Variants in GPR107 observed in about 807,000 individuals in gnomAD.
GPR107 encodes the protein G protein-coupled receptor 107, also known as protein GPR107.
In GPR107, 31 loss-of-function variants were observed where a neutral mutation model predicts 75.5. That is an observed-to-expected ratio of 0.41 (90% CI 0.31 to 0.55). The LOEUF (loss-of-function observed/expected upper bound fraction) is 0.55. Among genes scored for constraint, GPR107 ranks in the 20% least tolerant of loss-of-function variants. The pLI is 0.26. For missense variants in GPR107, 572 were observed against 665.7 expected (o/e 0.86, Z 1.55); for synonymous variants, 267 against 251.3 (o/e 1.06, Z -0.59).
intron 6 of GPR107, among the ~76,000 whole-genome samples, chr9:130,083,914 A>G (rs924827800): frequency 6.6e-6 from 1 of 151,984 alleles, no homozygotes; most frequent in African/African-American, 2.4e-5. Flanking sequence ...TGCTTTGTAA[A>G]TAGTTGTTAC....
At chr9:130,131,574 G>A (rs1276954415) in intron 17 of GPR107, among the ~76,000 whole-genome samples, 2 of 142,406 alleles carry the variant, frequency 1.4e-5, no homozygotes, top group African/African-American at 2.6e-5. Flanking sequence ...CACTGCCCCC[G>A]GCCCCTCCTG....
At position 130,136,546 on chromosome 9, in the gene GPR107, CGTG is replaced by C; in HGVS notation, c.*1428_*1430del. The stretch of plus-strand genomic sequence containing the variant: ...AACAGGTACCTCCGAGGGTGAGAGT[CGTG>C]GTCTCTGGGAGTTGTTTTCTCACCT... On this transcript the variant is annotated 3_prime_UTR_variant, in exon 18 of 18. Coordinates refer to ENST00000347136, the MANE Select transcript of GPR107 (RefSeq NM_020960.5). 1 of 152,262 alleles carries C rather than the reference CGTG, an allele frequency of 6.6e-6. No individual in the cohort carries two copies. The highest frequency in any genetic ancestry group is 1.5e-5 in the Non-Finnish European group (1 of 68,024). 9.4% of individuals were successfully genotyped at this position (152,262 alleles called of 1,614,324 possible).
intron 1 of GPR107, among the ~76,000 whole-genome samples, chr9:130,054,742 C>G (rs1829702403): frequency 6.6e-6 from 1 of 152,194 alleles, no homozygotes; most frequent in Non-Finnish European, 1.5e-5. Context: ...GAAAAGACCT[C>G]TAAGGCTGAA....
At chr9:130,129,492 C>T (rs1831766908) in intron 17 of GPR107, 1 of 152,236 alleles carries the variant, frequency 6.6e-6, no homozygotes, top group South Asian at 2.1e-4. Flanking sequence ...GAGACTCGGC[C>T]CATGCTAAGC....
At chr9:130,107,851 G>A (rs1358025809) in intron 14 of GPR107, among the ~76,000 whole-genome samples, 5 of 152,154 alleles carry the variant, frequency 3.3e-5, no homozygotes, top group Admixed American at 1.3e-4. Context: ...GTCTTAGAAG[G>A]GCCAGATAAC....
At chr9:130,088,867 GA>G (rs1286500393) in intron 7 of GPR107, among the ~76,000 whole-genome samples, 2 of 152,088 alleles carry the variant, frequency 1.3e-5, no homozygotes, top group African/African-American at 4.8e-5. Flanking sequence ...TTAATAAAAT[GA>G]GTTTTTAAAA....
At chr9:130,124,156 C>A (rs912191383) in intron 14 of GPR107, among the ~76,000 whole-genome samples, 1 of 152,242 alleles carries the variant, frequency 6.6e-6, no homozygotes, top group Non-Finnish European at 1.5e-5. Context: ...TCACCACCCA[C>A]GGTCCCATTC....
At chr9:130,084,516 G>A (rs145402719) in intron 6 of GPR107, among the ~76,000 whole-genome samples, 417 of 151,382 alleles carry the variant, frequency 2.8e-3, no homozygotes, top group Non-Finnish European at 4.8e-3. Flanking sequence ...GGTGGCTTGC[G>A]CCTGTAATCC....
chr9:130,064,166 G>A (rs1830004225), intron 1 of GPR107, among the ~76,000 whole-genome samples: 1 of 143,152 alleles, frequency 7.0e-6, no homozygotes, highest in South Asian at 2.2e-4. Flanking sequence ...AATTGTATCT[G>A]AACTATAAAA....
At chr9:130,092,464 G>A in intron 9 of GPR107, 83 bp downstream of exon 9, 1 of 1,112,762 alleles carries the variant, frequency 9.0e-7, no homozygotes, top group Non-Finnish European at 1.4e-6. Flanking sequence ...CCTGGAGGCA[G>A]TTGTCACTTA....
intron 14 of GPR107, chr9:130,110,423 A>G (rs1466503920): frequency 1.3e-6 from 2 of 1,483,040 alleles, no homozygotes; most frequent in Non-Finnish European, 9.2e-7. Flanking sequence ...AGGAAGTCGC[A>G]TAGGTAAACC....
At chr9:130,130,552 A>G (rs1476103) in intron 17 of GPR107, among the ~76,000 whole-genome samples, 1 of 152,226 alleles carries the variant, frequency 6.6e-6, no homozygotes, top group African/African-American at 2.4e-5. Flanking sequence ...ACACTTCCAG[A>G]CCAGAAAACA....
Position 130,140,088 on chromosome 9 carries a change from G to A in GPR107, c.*4967G>A, listed in dbSNP as rs1832062347. ...AACATACAACGTATAATGGGTGGGG[G>A]ATCCGATCATGGTGATGTACGGGGT... On this transcript the variant is annotated 3_prime_UTR_variant, in exon 18 of 18. Transcript: ENST00000347136. The surrounding 1 kb of genome is among the most constrained non-coding windows in gnomAD (Gnocchi z 4.0). 5 of 152,184 alleles carry A rather than the reference G, an allele frequency of 3.3e-5. 1 individual carries two copies. The South Asian group carries it at 1.0e-3, about 32-fold the overall frequency. 9.4% of individuals were successfully genotyped at this position (152,184 alleles called of 1,614,324 possible).
intron 1 of GPR107, among the ~76,000 whole-genome samples, chr9:130,073,745 T>C (rs11791825): frequency 0.08 from 12,185 of 152,128 alleles, 628 homozygotes; most frequent in Admixed American, 0.14. Context: ...GTTTTTTGTT[T>C]GTTTTGTTTG....
intron 7 of GPR107, 152 bp from the exon 8 acceptor site, chr9:130,090,724 T>C: frequency 2.2e-6 from 1 of 459,816 alleles, no homozygotes; most frequent in Non-Finnish European, 3.8e-6. Context: ...CTTCAATCCA[T>C]TAATATTCAT....
At chr9:130,086,931 C>T (rs762412488) in intron 7 of GPR107, among the ~76,000 whole-genome samples, 6 of 152,078 alleles carry the variant, frequency 3.9e-5, no homozygotes, top group African/African-American at 1.4e-4. Context: ...TATTAATTGC[C>T]CATGAGTGTT....
At chr9:130,055,021 T>C (rs775514360) in intron 1 of GPR107, among the ~76,000 whole-genome samples, 2 of 152,128 alleles carry the variant, frequency 1.3e-5, no homozygotes, top group African/African-American at 4.8e-5. Context: ...AGGTTGAGAC[T>C]GCAGTGAGCC....
At chr9:130,058,926 G>A (rs1829861671) in intron 1 of GPR107, among the ~76,000 whole-genome samples, 1 of 152,088 alleles carries the variant, frequency 6.6e-6, no homozygotes, top group South Asian at 2.1e-4. Flanking sequence ...GGATGTTTGG[G>A]TTGTTTCCAC....
chr9:130,062,471 T>G (rs1220115275), intron 1 of GPR107, among the ~76,000 whole-genome samples: 1 of 145,830 alleles, frequency 6.9e-6, no homozygotes, highest in Non-Finnish European at 1.5e-5. Context: ...CACTGAGTAG[T>G]AGACTGATCT....
Sources: allele counts gnomAD v4.1 joint callset (sites outside exome capture counted in the v4.1 genomes callset), GRCh38; gene constraint gnomAD v4.1.1; non-coding constraint Gnocchi (gnomAD v3.1); transcripts MANE v1.5; gene names NCBI Gene and HGNC (gene_info 2026-07-23, HGNC 2026-07-21).